The following GRHL2 variants were observed in gnomAD, a reference collection of about 807,000 sequenced individuals.
The protein encoded by GRHL2 is grainyhead like transcription factor 2, also known as grainyhead-like protein 2 homolog.
Under a neutral mutation model 83.8 loss-of-function variants are expected in GRHL2, and 21 were observed. The observed-to-expected ratio is 0.25, with a 90% CI of 0.18 to 0.36. The LOEUF (loss-of-function observed/expected upper bound fraction) is 0.36, where lower values mean the gene tolerates loss of function less well. GRHL2 is among the 10% of genes least tolerant of loss of function. GRHL2 has a pLI of 1.00. For synonymous variants in GRHL2, 280 were observed against 278.9 expected, an observed-to-expected ratio of 1.00 and a Z score of -0.04; for missense variants, 623 against 781.8, an observed-to-expected ratio of 0.80 and a Z score of 2.42.
chr8:101,575,794 G>A (rs1206329628), intron 6 of GRHL2, among the ~76,000 whole-genome samples: 1 of 152,188 alleles, frequency 6.6e-6, no homozygotes, highest in Non-Finnish European at 1.5e-5. Flanking sequence ...ACACATAAAT[G>A]GAAAAGTTTG....
At chr8:101,560,764 C>T (rs955675852) in intron 4 of GRHL2, among the ~76,000 whole-genome samples, 3 of 152,172 alleles carry the variant, frequency 2.0e-5, no homozygotes, top group African/African-American at 7.2e-5. Context: ...GGTTGAACAT[C>T]ATTTCATGTA....
chr8:101,601,185 CA>C (rs753793342), intron 8 of GRHL2, among the ~76,000 whole-genome samples: 48 of 149,830 alleles, frequency 3.2e-4, no homozygotes, highest in South Asian at 6.4e-4. Context: ...CACACACACA[CA>C]CACCCCACCA....
At chr8:101,594,945 T>C (rs1780695428) in intron 7 of GRHL2, among the ~76,000 whole-genome samples, 2 of 152,230 alleles carry the variant, frequency 1.3e-5, no homozygotes, top group Non-Finnish European at 2.9e-5. Flanking sequence ...GAAGGACATA[T>C]ACAAGGTAAT....
downstream of GRHL2, among the ~76,000 whole-genome samples, chr8:101,673,894 C>A (rs1016326235): frequency 6.6e-6 from 1 of 152,036 alleles, no homozygotes. Flanking sequence ...GAACTCAGGA[C>A]TAAGAAACTC....
At chr8:101,670,881 G>A (rs531849447), downstream of GRHL2, among the ~76,000 whole-genome samples, 13 of 152,320 alleles carry the variant, frequency 8.5e-5, no homozygotes, top group South Asian at 2.7e-3. Context: ...GTGCTGGAGA[G>A]AGAGGCAAGT....
At chr8:101,524,964 T>TG (rs1810773890) in intron 1 of GRHL2, among the ~76,000 whole-genome samples, 1 of 151,578 alleles carries the variant, frequency 6.6e-6, no homozygotes, top group Non-Finnish European at 1.5e-5. Context: ...TTTTTTGAGA[T>TG]GGAGTTTTGC....
At chr8:101,637,580 T>G (rs1813314804) in intron 12 of GRHL2, among the ~76,000 whole-genome samples, 1 of 152,190 alleles carries the variant, frequency 6.6e-6, no homozygotes, top group African/African-American at 2.4e-5. Context: ...AGACTCAGAA[T>G]TTTAGGGCCA....
intron 5 of GRHL2, 112 bp from the exon 6 acceptor site, chr8:101,573,556 A>G: frequency 7.4e-7 from 1 of 1,346,562 alleles, no homozygotes; most frequent in Non-Finnish European, 1.1e-6. Flanking sequence ...TTTTGTCTCT[A>G]AAACAGTAAA....
At chr8:101,577,582 G>GCTCCCCTT in intron 7 of GRHL2, 63 bp downstream of exon 7, 1 of 1,103,334 alleles carries the variant, frequency 9.1e-7, no homozygotes, top group Non-Finnish European at 1.4e-6. Context: ...TCAATGCCAA[G>GCTCCCCTT]GGGAGCCTGG....
chr8:101,553,188 C>G (rs1811420535), intron 3 of GRHL2, among the ~76,000 whole-genome samples: 1 of 152,170 alleles, frequency 6.6e-6, no homozygotes, highest in South Asian at 2.1e-4. Flanking sequence ...GGAGGTTGGG[C>G]TCTTTCTCAG....
chr8:101,649,743 T>C (rs1369689153), intron 14 of GRHL2, among the ~76,000 whole-genome samples: 1 of 152,214 alleles, frequency 6.6e-6, no homozygotes, highest in Non-Finnish European at 1.5e-5. Context: ...TTAGATGCTA[T>C]GGAGGAAGGT....
At chr8:101,501,097 C>T (rs141415062) in intron 1 of GRHL2, among the ~76,000 whole-genome samples, 186 of 152,300 alleles carry the variant, frequency 1.2e-3, no homozygotes, top group African/African-American at 4.3e-3. Context: ...AAAGCTGGTG[C>T]ATTTCAGGAG....
intron 14 of GRHL2, among the ~76,000 whole-genome samples, chr8:101,653,058 A>C (rs1378490286): frequency 6.6e-6 from 1 of 152,210 alleles, no homozygotes; most frequent in African/African-American, 2.4e-5. Context: ...TCTGCATCCG[A>C]AACTCCGAAG....
At chr8:101,665,642 A>G (rs1814034633) in intron 15 of GRHL2, among the ~76,000 whole-genome samples, 1 of 152,198 alleles carries the variant, frequency 6.6e-6, no homozygotes, top group Non-Finnish European at 1.5e-5. Context: ...GCTGATGATA[A>G]CATTTTGCTT....
At chr8:101,653,251 C>A (rs1192800121) in intron 14 of GRHL2, among the ~76,000 whole-genome samples, 1 of 151,888 alleles carries the variant, frequency 6.6e-6, no homozygotes, top group Non-Finnish European at 1.5e-5. Flanking sequence ...TGTGGGGGGG[C>A]TTATAGTTTT....
intron 1 of GRHL2, among the ~76,000 whole-genome samples, chr8:101,531,249 A>G (rs1378481778): frequency 6.6e-6 from 1 of 150,492 alleles, no homozygotes; most frequent in East Asian, 1.9e-4. Context: ...AAGAGAACTC[A>G]GGCACTTGGA....
intron 7 of GRHL2, among the ~76,000 whole-genome samples, chr8:101,586,124 C>A (rs866554297): frequency 7.6e-6 from 1 of 132,256 alleles, no homozygotes; most frequent in Non-Finnish European, 1.5e-5. Context: ...CCAGGTGGGA[C>A]TGCGGACTGC....
chr8:101,619,472 A>G (rs1362596886), intron 8 of GRHL2, 67 bp from the exon 9 acceptor site: 26 of 1,445,316 alleles, frequency 1.8e-5, no homozygotes, highest in Non-Finnish European at 2.3e-5. Flanking sequence ...TAAAGTCTAA[A>G]GTTTATGCGT....
intron 14 of GRHL2, among the ~76,000 whole-genome samples, chr8:101,652,200 A>G (rs1251157285): frequency 2.0e-5 from 3 of 152,150 alleles, no homozygotes; most frequent in African/African-American, 7.2e-5. Flanking sequence ...ACTTTACCAT[A>G]GTGACACCAG....
Sources: allele counts gnomAD v4.1 joint callset (sites outside exome capture counted in the v4.1 genomes callset), GRCh38; gene constraint gnomAD v4.1.1; transcripts MANE v1.5; gene names NCBI Gene and HGNC (gene_info 2026-07-23, HGNC 2026-07-21).